The following NIPSNAP3B variants were observed in gnomAD, a reference collection of about 807,000 sequenced individuals.
The protein encoded by NIPSNAP3B is nipsnap homolog 3B.
A neutral mutation model predicts 31.5 loss-of-function variants in NIPSNAP3B; 30 were observed. The observed-to-expected ratio is 0.95, with a 90% CI of 0.71 to 1.29. The LOEUF is 1.29. NIPSNAP3B is among the 50% of genes most tolerant of loss of function. The pLI is 0.00. For synonymous variants in NIPSNAP3B, 106 were observed against 107.9 expected, an observed-to-expected ratio of 0.98 and a Z score of 0.11; for missense variants, 269 against 300.7, an observed-to-expected ratio of 0.89 and a Z score of 0.78.
intron 2 of NIPSNAP3B, 57 bp downstream of exon 2, chr9:104,766,592 C>A: frequency 6.7e-7 from 1 of 1,501,374 alleles, no homozygotes; most frequent in Non-Finnish European, 9.2e-7. Flanking sequence ...TTAAATGTAA[C>A]ATAAGACTTA....
Position 104,776,063 on chromosome 9 carries a change from C to G in NIPSNAP3B, c.*2990C>G, listed in dbSNP as rs1332402842. ...TCATATCACTCCTCTGCTCAACACC[C>G]CCTCCCAATACCTTCATGTCATCCT... On this transcript the variant is annotated 3_prime_UTR_variant, in exon 6 of 6. Coordinates refer to ENST00000374762, the MANE Select transcript of NIPSNAP3B (RefSeq NM_018376.4). Among the ~76,000 whole-genome samples the G allele has an allele frequency of 2.6e-5, 4 of 152,136 alleles. No homozygotes were observed. Among genetic ancestry groups the G allele is most frequent in the African/African-American group, 9.7e-5 (4 of 41,420 alleles).
chr9:104,785,659 C>A, the NIPSNAP3B span: 1 of 1,613,596 alleles, frequency 6.2e-7, no homozygotes, highest in Admixed American at 1.7e-5. Flanking sequence ...GGAAAAAATA[C>A]CCAAATGGAG....
chr9:104,778,225 A>G (rs1323768106), downstream of NIPSNAP3B, among the ~76,000 whole-genome samples: 1 of 151,970 alleles, frequency 6.6e-6, no homozygotes, highest in African/African-American at 2.4e-5. Context: ...TATACGTACC[A>G]ATAACTTGCA....
In NIPSNAP3B at chr9:104,774,261, T is replaced by C. The variant is rs186518447; in HGVS notation, c.*1188T>C. 5.3e-5 allele frequency among the ~76,000 whole-genome samples: 8 copies of C among 152,344 alleles called. No homozygotes were observed. The East Asian group carries it at 9.6e-4, about 18-fold the overall frequency. ...GCAATTTGGAAAACAAACTGTACAGTTTCCTCTCATTTATCAGGCTCTAAG... is the reference window on the plus strand; with the variant it reads ...GCAATTTGGAAAACAAACTGTACAGCTTCCTCTCATTTATCAGGCTCTAAG... On this transcript the variant is annotated 3_prime_UTR_variant, in exon 6 of 6. Coordinates refer to ENST00000374762, the MANE Select transcript of NIPSNAP3B (RefSeq NM_018376.4).
downstream of NIPSNAP3B, chr9:104,781,776 C>G (rs772120549): frequency 2.6e-5 from 4 of 152,634 alleles, no homozygotes; most frequent in East Asian, 5.8e-4. Context: ...AATTTTTGAA[C>G]ACGTATTTTG....
chr9:104,779,743 G>T (rs527440236), downstream of NIPSNAP3B, among the ~76,000 whole-genome samples: 1 of 151,992 alleles, frequency 6.6e-6, no homozygotes, highest in African/African-American at 2.4e-5. Context: ...AGGCTCATGG[G>T]TAGGGCCAGG....
chr9:104,785,208 T>C, the NIPSNAP3B span, among the ~76,000 whole-genome samples: 1 of 152,192 alleles, frequency 6.6e-6, no homozygotes, highest in East Asian at 1.9e-4. Flanking sequence ...AATAATCCTA[T>C]AGAGTACATA....
At chr9:104,788,521 G>A in the NIPSNAP3B span, 2 of 1,614,096 alleles carry the variant, frequency 1.2e-6, no homozygotes, top group Non-Finnish European at 1.7e-6. Context: ...TCAAACTGAG[G>A]GCAGTAGCCC....
chr9:104,778,294 G>A (rs542071096), downstream of NIPSNAP3B, among the ~76,000 whole-genome samples: 1 of 151,934 alleles, frequency 6.6e-6, no homozygotes, highest in South Asian at 2.1e-4. Context: ...GCAATGGTGC[G>A]ATCTCAGCTC....
At chr9:104,766,109 C>T (rs1014612244) in intron 1 of NIPSNAP3B, among the ~76,000 whole-genome samples, 1 of 152,096 alleles carries the variant, frequency 6.6e-6, no homozygotes, top group Admixed American at 6.5e-5. Flanking sequence ...GAGGTAGACC[C>T]CTGCTAGGAA....
At chr9:104,787,073 A>T in the NIPSNAP3B span, 3 of 993,618 alleles carry the variant, frequency 3.0e-6, no homozygotes, top group Non-Finnish European at 4.5e-6. Context: ...AACAGCTTAA[A>T]TTTTAACTTG....
downstream of NIPSNAP3B, chr9:104,781,896 A>C (rs1184439853): frequency 6.6e-6 from 1 of 152,234 alleles, no homozygotes; most frequent in Admixed American, 6.5e-5. Context: ...TTACACAGGA[A>C]AATGTAAAAA....
Position 104,774,874 on chromosome 9 carries a change from C to T in NIPSNAP3B, c.*1801C>T, listed in dbSNP as rs529848567. ...TTCATTCTTTCATTCTCTTCGATGA[C>T]TCCCAGCACCTGCGCGTCCATCTTC... On this transcript the variant is annotated 3_prime_UTR_variant, in exon 6 of 6. Transcript: ENST00000374762. Among the ~76,000 whole-genome samples, 26 of 152,096 alleles carry T rather than the reference C, an allele frequency of 1.7e-4. No individual in the cohort carries two copies. Among genetic ancestry groups the T allele is most frequent in the Non-Finnish European group, 3.4e-4 (23 of 68,016 alleles).
At chr9:104,786,176 C>T in the NIPSNAP3B span, 3 of 833,800 alleles carry the variant, frequency 3.6e-6, no homozygotes, top group Non-Finnish European at 6.0e-6. Flanking sequence ...TCATTCTTTC[C>T]ACTATACTGT....
At chr9:104,786,437 A>T in the NIPSNAP3B span, 1 of 1,501,192 alleles carries the variant, frequency 6.7e-7, no homozygotes, top group Non-Finnish European at 9.3e-7. Context: ...GATTCTCTGT[A>T]ACCATGAGAA....
rs1174236553 is a variant in NIPSNAP3B, at chr9:104,777,536, G to A, written c.*4463G>A. The stretch of plus-strand genomic sequence containing the variant: ...ACTAGACAAAATGAGTTTTATAATA[G>A]TCGATTGGAAGGAATGGAAGTTTTT... On this transcript the variant is annotated 3_prime_UTR_variant, in exon 6 of 6. Coordinates refer to ENST00000374762, the MANE Select transcript of NIPSNAP3B (RefSeq NM_018376.4). 1.3e-5 allele frequency: 2 copies of A among 152,214 alleles called. No individual in the cohort carries two copies. The highest frequency in any genetic ancestry group is 4.8e-5 in the African/African-American group (2 of 41,442). The allele number at this position is 152,214 out of a possible 1,614,324, so 9.4% of individuals were successfully genotyped here.
the NIPSNAP3B span, chr9:104,786,353 T>C: frequency 1.4e-5 from 23 of 1,614,046 alleles, no homozygotes; most frequent in Non-Finnish European, 1.7e-5. Flanking sequence ...TTGACCATGA[T>C]TGCCATCCTA....
intron 2 of NIPSNAP3B, among the ~76,000 whole-genome samples, chr9:104,768,355 A>G (rs534851083): frequency 1.3e-5 from 2 of 152,336 alleles, no homozygotes; most frequent in Non-Finnish European, 1.5e-5. Context: ...ACTTTGATTC[A>G]AAGTGTACCT....
chr9:104,779,095 C>T (rs562600617), downstream of NIPSNAP3B, among the ~76,000 whole-genome samples: 30 of 152,260 alleles, frequency 2.0e-4, 1 homozygote, highest in South Asian at 1.7e-3. Context: ...GAATATCCTT[C>T]GCACCCACCT....
Sources: gnomAD v4.1 joint callset for allele counts (sites outside exome capture counted in the v4.1 genomes callset) on GRCh38, gnomAD v4.1.1 for gene constraint, MANE v1.5 for transcripts, NCBI Gene and HGNC (gene_info 2026-07-23, HGNC 2026-07-21) for gene names.